Variants in WASHC5 observed in about 807,000 individuals in gnomAD.
WASHC5 encodes WASH complex subunit 5, also known as WASH complex subunit strumpellin.
In WASHC5, 101 loss-of-function variants were observed where a neutral mutation model predicts 150.4. The ratio of observed to expected loss-of-function variants is 0.67; its 90% confidence interval spans 0.57 to 0.79. The LOEUF is 0.79. Among genes scored for constraint, WASHC5 ranks in the 30% least tolerant of loss-of-function variants. The pLI, the probability that WASHC5 is intolerant of heterozygous loss-of-function variation, is 0.00. For synonymous variants in WASHC5, 467 were observed against 491.2 expected (o/e 0.95, Z 0.65); for missense variants, 1,195 against 1,396.3 (o/e 0.86, Z 2.30).
intron 17 of WASHC5, among the ~76,000 whole-genome samples, chr8:125,052,897 ACAT>A (rs1310624354): frequency 1.3e-5 from 2 of 152,150 alleles, no homozygotes; most frequent in Non-Finnish European, 2.9e-5. Context: ...AATCTACCAA[ACAT>A]CATAGTTTAG....
intron 28 of WASHC5, among the ~76,000 whole-genome samples, chr8:125,026,012 T>C (rs1815371673): frequency 1.3e-5 from 2 of 152,212 alleles, no homozygotes; most frequent in Non-Finnish European, 2.9e-5. Flanking sequence ...AGGGTAAGTA[T>C]ATTACAAATG....
At chr8:125,087,821 G>A (rs1308109405) in intron 1 of WASHC5, among the ~76,000 whole-genome samples, 1 of 151,958 alleles carries the variant, frequency 6.6e-6, no homozygotes, top group African/African-American at 2.4e-5. Context: ...ATGCTAGAGT[G>A]ATTACAAAAT....
intron 26 of WASHC5, among the ~76,000 whole-genome samples, chr8:125,036,616 G>A (rs917063544): frequency 6.9e-6 from 1 of 144,162 alleles, no homozygotes; most frequent in Non-Finnish European, 1.5e-5. Flanking sequence ...AGGCCATAGT[G>A]AGCTGAGATT....
intron 19 of WASHC5, 57 bp from the exon 20 acceptor site, chr8:125,047,388 C>T (rs1586349346): frequency 6.6e-7 from 1 of 1,522,536 alleles, no homozygotes; most frequent in Non-Finnish European, 9.1e-7. Context: ...CCTAGTTATC[C>T]CTTTTCCATA....
At chr8:125,083,405 C>T in intron 2 of WASHC5, 147 bp from the exon 3 acceptor site, 1 of 742,382 alleles carries the variant, frequency 1.3e-6, no homozygotes, top group East Asian at 2.7e-5. Flanking sequence ...ATAATAGAAG[C>T]CTAGATATAA....
chr8:125,090,989 T>A (rs957286786), intron 1 of WASHC5, among the ~76,000 whole-genome samples: 2 of 152,174 alleles, frequency 1.3e-5, no homozygotes, highest in African/African-American at 4.8e-5. Context: ...AACTTCGCCC[T>A]CACTACGCCT....
At chr8:125,053,290 A>C (rs1816303259) in intron 17 of WASHC5, among the ~76,000 whole-genome samples, 1 of 152,174 alleles carries the variant, frequency 6.6e-6, no homozygotes, top group Non-Finnish European at 1.5e-5. Flanking sequence ...CTTAGTTGTT[A>C]TTGGTAGACT....
chr8:125,073,405 A>G (rs1431940735), intron 8 of WASHC5, 81 bp from the exon 9 acceptor site: 84 of 1,149,204 alleles, frequency 7.3e-5, no homozygotes, highest in Non-Finnish European at 9.2e-5. Context: ...ATTCACTGAC[A>G]AATAGTAACA....
chr8:125,057,737 T>C (rs1816455862), intron 14 of WASHC5, 71 bp from the exon 15 acceptor site: 1 of 969,348 alleles, frequency 1.0e-6, no homozygotes, highest in Non-Finnish European at 1.6e-6. Flanking sequence ...TTCCAGAAAA[T>C]GTAACATACA....
intron 8 of WASHC5, among the ~76,000 whole-genome samples, chr8:125,073,681 A>G (rs1207376254): frequency 6.6e-6 from 1 of 152,226 alleles, no homozygotes; most frequent in East Asian, 1.9e-4. Flanking sequence ...TGAATAACAT[A>G]TGGACTATAC....
chr8:125,054,285 A>T (rs1453513355), intron 17 of WASHC5, among the ~76,000 whole-genome samples: 1 of 152,262 alleles, frequency 6.6e-6, no homozygotes, highest in Non-Finnish European at 1.5e-5. Flanking sequence ...AAAAGCAATA[A>T]CCAGTAAGAG....
chr8:125,046,247 T>C (rs1816064370), intron 20 of WASHC5, among the ~76,000 whole-genome samples: 1 of 152,064 alleles, frequency 6.6e-6, no homozygotes. Flanking sequence ...AACCTGCTCT[T>C]CCCCAAGCTG....
intron 7 of WASHC5, among the ~76,000 whole-genome samples, chr8:125,075,717 T>A (rs1436902340): frequency 6.6e-6 from 1 of 152,202 alleles, no homozygotes; most frequent in Non-Finnish European, 1.5e-5. Context: ...AACGATAGTT[T>A]ATGTGATTCA....
At position 125,083,177 on chromosome 8, in the gene WASHC5, CTA is replaced by C; in HGVS notation, c.266_267del (p.Ile89ArgfsTer15). The C allele has an allele frequency of 3.1e-6, 5 of 1,600,400 alleles. No individual in the cohort carries two copies. Among genetic ancestry groups the C allele is most frequent in the Non-Finnish European group, 4.3e-6 (5 of 1,168,140 alleles). On this transcript the variant is annotated frameshift_variant, in exon 3 of 29. Coordinates refer to ENST00000318410, the MANE Select transcript of WASHC5 (RefSeq NM_014846.4). LOFTEE classifies it high-confidence loss of function. ...GCTAAATAAAATCTGGTCACAATTT[CTA>C]TGTTGTTTTCACGAAATTCTTCATC... ...DLDEEFRENN[I>X]EIVTRFYLAF...
intron 9 of WASHC5, among the ~76,000 whole-genome samples, chr8:125,072,066 C>T (rs1816911978): frequency 6.6e-6 from 1 of 152,016 alleles, no homozygotes; most frequent in Non-Finnish European, 1.5e-5. Context: ...ACAGGCTGGG[C>T]ATGGTGGCTC....
In WASHC5 at chr8:125,063,749, TAAG is replaced by T. The variant is rs142430785; in HGVS notation, c.1279-101_1279-99del. The T allele has an allele frequency of 7.7e-3, 8,361 of 1,086,020 alleles. 378 individuals carry two copies. The African/African-American group carries it at 0.1, about 13-fold the overall frequency. The allele number at this position is 1,086,020 out of a possible 1,614,324, so 67.3% of individuals were successfully genotyped here. A position where few individuals can be genotyped will look rare whatever the true frequency, so the allele number is the denominator to read the frequency against. ...GAGGAAACCCAATTTAAATTTTAAATAAGAAGCTACACTATAAATTAACATTGA... is the reference window on the plus strand; with the variant it reads ...GAGGAAACCCAATTTAAATTTTAAATAAGCTACACTATAAATTAACATTGA... On this transcript the variant is annotated intron_variant, in intron 10 of 28. Transcript: ENST00000318410.
chr8:125,083,203 T>C lies in WASHC5; in HGVS notation c.242A>G (p.Asp81Gly). 6.2e-7 allele frequency: 1 copy of C among 1,612,126 alleles called. No homozygotes were observed. The change falls in exon 3 of 29, where the codon GAT (aspartate) becomes GGT (glycine). Residue 81 changes from aspartate to glycine, a missense_variant. By Grantham distance (94) the Asp-to-Gly change is moderately conservative (BLOSUM62 -1). Transcript: ENST00000318410. ...TATGTTGTTTTCACGAAATTCTTCA[T>C]CTAAATCCTGTAGCTCTGGCTTAGC... ...LDAKPELQDL[D>G]EEFRENNIEI...
chr8:125,071,859 G>A (rs192575527), intron 9 of WASHC5, among the ~76,000 whole-genome samples: 3 of 152,290 alleles, frequency 2.0e-5, no homozygotes, highest in Admixed American at 6.5e-5. Flanking sequence ...TGATGGCTGC[G>A]CTGGGCTCCT....
chr8:125,082,467 T>C lies in WASHC5; in HGVS notation c.333A>G (p.Arg111=). Residue 111 remains arginine, a splice_region_variant and synonymous_variant, in exon 4 of 29, where the codon AGA becomes AGG. Coordinates refer to ENST00000318410, the MANE Select transcript of WASHC5 (RefSeq NM_014846.4). ...CCCCTTCATTGAGATCATCTAGATATCTAGAAATAAAACCACAGTGCAAGT... is the reference window on the plus strand; with the variant it reads ...CCCCTTCATTGAGATCATCTAGATACCTAGAAATAAAACCACAGTGCAAGT... ...SVHKYIVDLN[R]YLDDLNEGVY... The C allele has an allele frequency of 6.6e-7, 1 of 1,509,884 alleles. No homozygotes were observed. The highest frequency in any genetic ancestry group is 9.2e-7 in the Non-Finnish European group (1 of 1,085,858). 93.5% of individuals were successfully genotyped at this position (1,509,884 alleles called of 1,614,324 possible).
Sources: allele counts gnomAD v4.1 joint callset (sites outside exome capture counted in the v4.1 genomes callset), GRCh38; gene constraint gnomAD v4.1.1; transcripts MANE v1.5; gene names NCBI Gene and HGNC (gene_info 2026-07-23, HGNC 2026-07-21).